Variants in GREB1 observed in about 807,000 individuals in gnomAD.
The protein encoded by GREB1 is protein GREB1.
In GREB1, 106 loss-of-function variants were observed where a neutral mutation model predicts 200.7. The ratio of observed to expected loss-of-function variants is 0.53; its 90% CI spans 0.45 to 0.62. The LOEUF (loss-of-function observed/expected upper bound fraction) is 0.62. Among genes scored for constraint, GREB1 ranks in the 20% least tolerant of loss-of-function variants. GREB1 has a pLI of 0.00. For missense variants in GREB1, 2,243 were observed against 2,556.8 expected (o/e 0.88, Z 2.65); for synonymous variants, 1,132 against 1,092.4 (o/e 1.04, Z -0.72).
chr2:11,552,827 C>T (rs923466793), intron 1 of GREB1, among the ~76,000 whole-genome samples: 6 of 151,774 alleles, frequency 4.0e-5, no homozygotes, highest in South Asian at 2.1e-4. Context: ...CTGGCTAACA[C>T]GGTGAAACCC....
In GREB1 at chr2:11,566,465, G is replaced by A. The variant is rs1205246463; in HGVS notation, c.278-15G>A. 1.3e-6 allele frequency: 2 copies of A among 1,593,938 alleles called. No individual in the cohort carries two copies. The highest frequency in any genetic ancestry group is 2.2e-5 in the East Asian group (1 of 44,614). ...AAGCCCTGGGCAGCGTGTGAACCCT[G>A]TCCACCCCTCCTAGGGTTTTGCCAG... is the stretch of plus-strand genomic sequence containing the variant. On this transcript the variant is annotated splice_polypyrimidine_tract_variant and intron_variant, in intron 3 of 32. Coordinates refer to ENST00000381486, the MANE Select transcript of GREB1 (RefSeq NM_014668.4).
At position 11,633,645 on chromosome 2, in the gene GREB1, C is replaced by T. The variant is rs182761545; in HGVS notation, c.4992-486C>T. Among the ~76,000 whole-genome samples the T allele has an allele frequency of 4.0e-5, 6 of 151,656 alleles. No individual in the cohort carries two copies. In the East Asian group the frequency reaches 1.2e-3, roughly 29 times the overall value. The stretch of plus-strand genomic sequence containing the variant: ...CTATCCATTTAGTATAATATATAGA[C>T]AAAAAAGAAAGTATAATACATATAC... On this transcript the variant is annotated intron_variant, in intron 28 of 32. Transcript: ENST00000381486. This position sits in a 1 kb window ranked among gnomAD's most constrained non-coding sequence, Gnocchi z 4.1.
chr2:11,533,214 G>A (rs746708857), upstream of GREB1, among the ~76,000 whole-genome samples: 1 of 152,098 alleles, frequency 6.6e-6, no homozygotes, highest in Non-Finnish European at 1.5e-5. Flanking sequence ...ACGGGGATTG[G>A]GATGGGATTT....
At chr2:11,586,791 A>G (rs926485255) in intron 9 of GREB1, among the ~76,000 whole-genome samples, 6 of 152,236 alleles carry the variant, frequency 3.9e-5, no homozygotes, top group African/African-American at 1.4e-4. Flanking sequence ...GTATTCAGGA[A>G]GTAGAGTGCA....
intron 1 of GREB1, among the ~76,000 whole-genome samples, chr2:11,520,541 T>G (rs192024639): frequency 3.0e-4 from 46 of 152,348 alleles, no homozygotes; most frequent in African/African-American, 1.0e-3. Flanking sequence ...TGGAGCTTCC[T>G]TTCTTCTACC....
rs766720144 is a variant in GREB1, at chr2:11,610,829, C to T, written c.2808C>T (p.Leu936=). 1.2e-6 allele frequency: 2 copies of T among 1,613,324 alleles called. No homozygotes were observed. Among genetic ancestry groups the T allele is most frequent in the East Asian group, 2.2e-5 (1 of 44,902 alleles). The stretch of plus-strand genomic sequence containing the variant: ...CGCTGGAGATCACGCAGAACCTCCT[C>T]AACTCCCCGAAGCAGTGCCCCTGCG... ...VETLEITQNL[L]NSPKQCPCGH... Residue 936 remains leucine, a synonymous_variant, in exon 18 of 33, where the codon CTC becomes CTT. Transcript: ENST00000381486.
At chr2:11,565,273 C>G (rs1463074217) in intron 3 of GREB1, among the ~76,000 whole-genome samples, 1 of 152,250 alleles carries the variant, frequency 6.6e-6, no homozygotes, top group Non-Finnish European at 1.5e-5. Flanking sequence ...GAGCCTGCCT[C>G]ACTGGTGCCT....
intron 17 of GREB1, among the ~76,000 whole-genome samples, chr2:11,605,562 G>A (rs1295660631): frequency 6.6e-6 from 1 of 152,080 alleles, no homozygotes. Flanking sequence ...TTTGATCCAC[G>A]TATAGACTGG....
intron 30 of GREB1, 57 bp downstream of exon 30, chr2:11,635,462 C>T: frequency 6.4e-7 from 1 of 1,553,454 alleles, no homozygotes; most frequent in Non-Finnish European, 8.7e-7. Flanking sequence ...CGCCCTGGCA[C>T]ACACACTGAG....
intron 17 of GREB1, among the ~76,000 whole-genome samples, chr2:11,603,960 TG>T (rs1309662995): frequency 6.6e-6 from 1 of 152,224 alleles, no homozygotes; most frequent in Non-Finnish European, 1.5e-5. Context: ...CAGAGTCACA[TG>T]GGGGGTTTAT....
chr2:11,602,193 A>G (rs1380555261), intron 16 of GREB1, among the ~76,000 whole-genome samples: 1 of 152,244 alleles, frequency 6.6e-6, no homozygotes, highest in African/African-American at 2.4e-5. Context: ...AAAACTCCTG[A>G]GCAATGGGGA....
In GREB1 at chr2:11,633,101, C is replaced by A; in HGVS notation, c.4991+38C>A. On this transcript the variant is annotated intron_variant, in intron 28 of 32. Transcript: ENST00000381486. The surrounding 1 kb of genome is among the most constrained non-coding windows in gnomAD (Gnocchi z 4.1). The stretch of plus-strand genomic sequence containing the variant: ...GAGAGCACCACCTCCTGCCACCCTA[C>A]GAATGATGACCAACGAGTGTGCCCT... 1 of 1,598,644 alleles carries A rather than the reference C, an allele frequency of 6.3e-7. No homozygotes were observed. The highest frequency in any genetic ancestry group is 8.6e-7 in the Non-Finnish European group (1 of 1,167,018).
rs768502698 is a variant in GREB1 at position 11,615,231 on chromosome 2, A to C, written c.3263A>C (p.Glu1088Ala). The C allele has an allele frequency of 6.2e-7, 1 of 1,612,852 alleles. No homozygotes were observed. The highest frequency in any genetic ancestry group is 1.1e-5 in the South Asian group (1 of 90,798). ...LEKGARNEAL[E>A]SDAEKLSSTD... ...AAGGGGGCTAGGAACGAGGCCTTGGAGAGTGATGCTGAGAAGCTGAGCAGC... is the reference window on the plus strand; with the variant it reads ...AAGGGGGCTAGGAACGAGGCCTTGGCGAGTGATGCTGAGAAGCTGAGCAGC... The change falls in exon 20 of 33, where the codon GAG becomes GCG. Residue 1088 changes from glutamate (E) to alanine (A), a missense_variant. By Grantham distance (107) the Glu-to-Ala change is moderately radical (BLOSUM62 -1). This residue lies in a region of GREB1 where 587 missense variants were observed against 553.1 expected (regional missense o/e 1.06). Coordinates refer to ENST00000381486, the MANE Select transcript of GREB1 (RefSeq NM_014668.4).
intron 1 of GREB1, among the ~76,000 whole-genome samples, chr2:11,549,035 T>C (rs1477216163): frequency 2.0e-5 from 3 of 152,176 alleles, no homozygotes; most frequent in Non-Finnish European, 4.4e-5. Flanking sequence ...TACCTGTTTA[T>C]CTCCAGGGTT....
At chr2:11,582,288 G>A (rs767867481) in intron 7 of GREB1, among the ~76,000 whole-genome samples, 3 of 152,196 alleles carry the variant, frequency 2.0e-5, no homozygotes, top group Non-Finnish European at 2.9e-5. Context: ...GCCATGCTCC[G>A]TGGAGGGGTG....
chr2:11,612,541 T>G lies in GREB1; in HGVS notation c.3053T>G (p.Leu1018Trp), dbSNP rs746072599. The G allele has an allele frequency of 1.2e-6, 2 of 1,613,132 alleles. No homozygotes were observed. Among genetic ancestry groups the G allele is most frequent in the South Asian group, 1.1e-5 (1 of 91,030 alleles). The change falls in exon 19 of 33, where the codon TTG (leucine) becomes TGG (tryptophan). Residue 1018 changes from leucine to tryptophan, a missense_variant. Leu to Trp is a moderately conservative substitution (Grantham distance 61). This residue lies in a region of GREB1 where 1,178 missense variants were observed against 1,387.4 expected (regional missense o/e 0.85). Coordinates refer to ENST00000381486, the MANE Select transcript of GREB1 (RefSeq NM_014668.4). ...GTGGAGTGGAGACCCCAGACTTACT[T>G]GGAGCTGGAGGGTCTGCCTTGCATC... ...EDVEWRPQTYLELEGLPCILI... is the reference protein window; with the variant it reads ...EDVEWRPQTYWELEGLPCILI...
chr2:11,555,369 T>G (rs1676330871), intron 1 of GREB1, among the ~76,000 whole-genome samples: 1 of 152,188 alleles, frequency 6.6e-6, no homozygotes, highest in Admixed American at 6.5e-5. Context: ...GAAGCAGCCA[T>G]TAAAATTGTT....
At chr2:11,563,138 A>G (rs923699126) in intron 3 of GREB1, 1 of 152,026 alleles carries the variant, frequency 6.6e-6, no homozygotes, top group African/African-American at 2.4e-5. Context: ...ATGCCTGGCT[A>G]ATTTTTGTAT....
At chr2:11,587,002 G>A (rs2148132090) in intron 9 of GREB1, among the ~76,000 whole-genome samples, 1 of 152,320 alleles carries the variant, frequency 6.6e-6, no homozygotes, top group Middle Eastern at 3.4e-3. Flanking sequence ...AGGGCTTGGA[G>A]GTGCAGGCAG....
Sources: allele counts gnomAD v4.1 joint callset (sites outside exome capture counted in the v4.1 genomes callset), GRCh38; gene constraint gnomAD v4.1.1; regional missense constraint gnomAD v4.1.1; non-coding constraint Gnocchi (gnomAD v3.1); transcripts MANE v1.5; gene names NCBI Gene and HGNC (gene_info 2026-07-23, HGNC 2026-07-21).